The following RANBP10 variants were observed in gnomAD, a reference collection of about 807,000 sequenced individuals.
RANBP10 encodes the protein ran-binding protein 10.
Under a neutral mutation model 72.8 loss-of-function variants are expected in RANBP10, and 24 were observed. The observed-to-expected ratio is 0.33, with a 90% CI of 0.24 to 0.46. The LOEUF is 0.46. Ranked by LOEUF, RANBP10 falls within the 20% of genes least tolerant of loss-of-function variation. The pLI is 1.00. For synonymous variants in RANBP10, 310 were observed against 322.3 expected (o/e 0.96, Z 0.41); for missense variants, 679 against 817.5 (o/e 0.83, Z 2.07).
chr16:67,787,829 T>C (rs1028584940), intron 2 of RANBP10, among the ~76,000 whole-genome samples: 1 of 152,062 alleles, frequency 6.6e-6, no homozygotes, highest in East Asian at 1.9e-4. Flanking sequence ...AGCGAGATTC[T>C]GTCTCTAGAA....
At position 67,772,147 on chromosome 16, in the gene RANBP10, C is replaced by T. The variant is rs986719816; in HGVS notation, c.348-61G>A. The T allele has an allele frequency of 6.5e-6, 10 of 1,529,622 alleles. No homozygotes were observed. The African/African-American group carries it at 1.1e-4, about 17-fold the overall frequency. 94.8% of individuals were successfully genotyped at this position (1,529,622 alleles called of 1,614,324 possible). Reference sequence around the variant, plus strand: ...TGGTTAGCAAATGCTCATGCGTCTCCCTTCTCAAACATTTATTGGTAAAAG... The same window carrying T: ...TGGTTAGCAAATGCTCATGCGTCTCTCTTCTCAAACATTTATTGGTAAAAG... On this transcript the variant is annotated intron_variant, in intron 2 of 13. Coordinates refer to ENST00000317506, the MANE Select transcript of RANBP10 (RefSeq NM_020850.3).
chr16:67,795,593 C>T (rs895053851), intron 2 of RANBP10, among the ~76,000 whole-genome samples: 4 of 150,030 alleles, frequency 2.7e-5, no homozygotes, highest in Non-Finnish European at 4.4e-5. Context: ...TTCGGCCGGG[C>T]GCGGTGGCTC....
intron 2 of RANBP10, among the ~76,000 whole-genome samples, chr16:67,790,072 G>A (rs1396261178): frequency 6.6e-6 from 1 of 151,346 alleles, no homozygotes; most frequent in African/African-American, 2.4e-5. Flanking sequence ...CTCCAGCCTG[G>A]GTGACAGAAT....
chr16:67,793,412 A>G (rs796232569), intron 2 of RANBP10, among the ~76,000 whole-genome samples: 44 of 151,534 alleles, frequency 2.9e-4, no homozygotes, highest in African/African-American at 1.0e-3. Flanking sequence ...CCCAGGTTCA[A>G]GCAATTCTCC....
chr16:67,726,941 A>G (rs879929096), intron 13 of RANBP10, among the ~76,000 whole-genome samples: 15 of 152,130 alleles, frequency 9.9e-5, no homozygotes, highest in Admixed American at 8.5e-4. Flanking sequence ...TCTGGGGCCA[A>G]TTGGGGTGGG....
chr16:67,780,103 G>A (rs1175711738), intron 2 of RANBP10, among the ~76,000 whole-genome samples: 2 of 152,050 alleles, frequency 1.3e-5, no homozygotes, highest in Admixed American at 6.6e-5. Flanking sequence ...GTGGTGGCGG[G>A]TGCCTGTAGT....
intron 2 of RANBP10, among the ~76,000 whole-genome samples, chr16:67,777,550 A>G (rs2054729668): frequency 6.6e-6 from 1 of 152,162 alleles, no homozygotes; most frequent in African/African-American, 2.4e-5. Flanking sequence ...CAAAACGAAA[A>G]AAAAAGTAAA....
intron 2 of RANBP10, among the ~76,000 whole-genome samples, chr16:67,780,763 G>A (rs2054796085): frequency 6.6e-6 from 1 of 152,156 alleles, no homozygotes; most frequent in Admixed American, 6.5e-5. Flanking sequence ...TTATTGGGTG[G>A]GGGAGGAGCT....
intron 3 of RANBP10, among the ~76,000 whole-genome samples, chr16:67,753,756 G>A (rs1028788983): frequency 6.6e-6 from 1 of 152,152 alleles, no homozygotes; most frequent in African/African-American, 2.4e-5. Context: ...CTCGCCAGGT[G>A]TGGGTGCAGC....
intron 4 of RANBP10, 177 bp downstream of exon 4, chr16:67,744,111 G>T (rs977824126): frequency 1.0e-6 from 1 of 985,458 alleles, no homozygotes; most frequent in Non-Finnish European, 1.2e-6. Context: ...CTGGCTGGAT[G>T]AACAAAGGCG....
At chr16:67,784,705 G>A (rs2054878136) in intron 2 of RANBP10, among the ~76,000 whole-genome samples, 1 of 152,072 alleles carries the variant, frequency 6.6e-6, no homozygotes, top group South Asian at 2.1e-4. Flanking sequence ...TGTAATCCCG[G>A]CTACTCGGGA....
chr16:67,780,508 G>A (rs1416899259), intron 2 of RANBP10, among the ~76,000 whole-genome samples: 1 of 152,130 alleles, frequency 6.6e-6, no homozygotes, highest in African/African-American at 2.4e-5. Context: ...AGCTACTTGG[G>A]AGGCCAAGGC....
intron 3 of RANBP10, among the ~76,000 whole-genome samples, chr16:67,747,899 C>G (rs1358949756): frequency 6.7e-6 from 1 of 150,370 alleles, no homozygotes; most frequent in Non-Finnish European, 1.5e-5. Flanking sequence ...CGGCTCACGG[C>G]AAGCTCCGCC....
At chr16:67,763,666 C>G (rs548614901) in intron 3 of RANBP10, among the ~76,000 whole-genome samples, 1 of 130,474 alleles carries the variant, frequency 7.7e-6, no homozygotes, top group East Asian at 1.9e-4. Flanking sequence ...CCCTACCACC[C>G]CCATAACCCA....
chr16:67,806,476 C>G lies in RANBP10; in HGVS notation c.61G>C (p.Gly21Arg), dbSNP rs537091677. The G allele has an allele frequency of 3.0e-5, 46 of 1,550,840 alleles. 3 individuals carry two copies. In the South Asian group the frequency reaches 5.4e-4, roughly 18 times the overall value. The change falls in exon 1 of 14, where the codon GGG (glycine) becomes CGG (arginine). Residue 21 changes from glycine (G) to arginine (R), a missense_variant. Physicochemically the swap from Gly to Arg is moderately radical, Grantham distance 125. Transcript: ENST00000317506. ...GACGGCAGCCCGCCCCCAGCGCCCC[C>G]GCCGGAGGAGTCCCCAGGCTGCGGG... ...GNPQPGDSSG[G>R]GAGGGLPSPG...
intron 3 of RANBP10, among the ~76,000 whole-genome samples, chr16:67,753,154 T>C (rs1419424867): frequency 1.3e-5 from 2 of 148,672 alleles, no homozygotes; most frequent in Admixed American, 6.8e-5. Context: ...GTTGGGAAGA[T>C]TGGATCATGC....
At chr16:67,728,160 C>T (rs556064989) in intron 11 of RANBP10, among the ~76,000 whole-genome samples, 1 of 152,342 alleles carries the variant, frequency 6.6e-6, no homozygotes, top group African/African-American at 2.4e-5. Flanking sequence ...CCCATGCTCT[C>T]GAACACCCTC....
chr16:67,773,935 A>C (rs1370550755), intron 2 of RANBP10, among the ~76,000 whole-genome samples: 1 of 152,214 alleles, frequency 6.6e-6, no homozygotes, highest in East Asian at 1.9e-4. Flanking sequence ...AGCTTCAAGG[A>C]CCATCAGGAG....
chr16:67,770,963 A>T (rs1323951361), intron 3 of RANBP10, among the ~76,000 whole-genome samples: 1 of 151,918 alleles, frequency 6.6e-6, no homozygotes, highest in Non-Finnish European at 1.5e-5. Context: ...AAAGAAAAAT[A>T]ATAGATGATA....
Sources: allele counts gnomAD v4.1 joint callset (sites outside exome capture counted in the v4.1 genomes callset), GRCh38; gene constraint gnomAD v4.1.1; transcripts MANE v1.5; gene names NCBI Gene and HGNC (gene_info 2026-07-23, HGNC 2026-07-21).